The following TMEM232 variants were observed in gnomAD, a reference collection of about 807,000 sequenced individuals.
The protein encoded by TMEM232 is transmembrane protein 232.
Under a neutral mutation model 78.8 loss-of-function variants are expected in TMEM232, and 80 were observed. That is an observed-to-expected ratio of 1.01 (90% confidence interval 0.85 to 1.22). The LOEUF (loss-of-function observed/expected upper bound fraction) is 1.22, where lower values mean the gene tolerates loss of function less well. Ranked by LOEUF, TMEM232 falls within the 50% of genes most tolerant of loss-of-function variation. The probability of loss-of-function intolerance (pLI) is 0.00; values close to 1 mark genes in which losing one functional copy is unlikely to be tolerated. For synonymous variants in TMEM232, 297 were observed against 254.3 expected (o/e 1.17, Z -1.60); for missense variants, 881 against 742.2 (o/e 1.19, Z -2.17).
chr5:110,666,139 G>A (rs1790558896), intron 2 of TMEM232, among the ~76,000 whole-genome samples: 1 of 151,998 alleles, frequency 6.6e-6, no homozygotes, highest in Non-Finnish European at 1.5e-5. Flanking sequence ...GAAAACAATT[G>A]CACTTTGTTA....
At chr5:110,394,824 C>T (rs770250689) in intron 3 of TMEM232, among the ~76,000 whole-genome samples, 1 of 152,008 alleles carries the variant, frequency 6.6e-6, no homozygotes. Flanking sequence ...GTGTCTGTTC[C>T]ACCCTCAATT....
At chr5:110,632,885 A>G (rs1348869077) in intron 5 of TMEM232, among the ~76,000 whole-genome samples, 1 of 152,190 alleles carries the variant, frequency 6.6e-6, no homozygotes, top group Non-Finnish European at 1.5e-5. Context: ...AGATTTAGAC[A>G]TCCAGATCGA....
chr5:110,638,410 A>G, intron 4 of TMEM232, 55 bp from the exon 5 acceptor site: 7 of 1,441,206 alleles, frequency 4.9e-6, no homozygotes, highest in Non-Finnish European at 6.5e-6. Context: ...CTGTTTTTCC[A>G]CATGCTATAA....
At chr5:110,553,246 CT>C (rs1234391130) in intron 11 of TMEM232, among the ~76,000 whole-genome samples, 3 of 151,700 alleles carry the variant, frequency 2.0e-5, no homozygotes, top group Non-Finnish European at 4.4e-5. Flanking sequence ...AATTTGAGAA[CT>C]TTTTTTTCTA....
chr5:110,532,266 C>G (rs1035777950), intron 11 of TMEM232, among the ~76,000 whole-genome samples: 4 of 151,954 alleles, frequency 2.6e-5, no homozygotes, highest in Non-Finnish European at 4.4e-5. Flanking sequence ...TGGCCCAAGG[C>G]TCTCTGACTG....
At chr5:110,471,634 CA>C (rs967513284) in intron 12 of TMEM232, among the ~76,000 whole-genome samples, 1 of 149,454 alleles carries the variant, frequency 6.7e-6, no homozygotes. Context: ...AAAAAGAAGA[CA>C]AAAAAAACCT....
At chr5:110,433,318 A>G (rs1355161534) in intron 12 of TMEM232, among the ~76,000 whole-genome samples, 1 of 151,826 alleles carries the variant, frequency 6.6e-6, no homozygotes, top group East Asian at 1.9e-4. Context: ...AGTCAATACC[A>G]AGAAGAACTC....
At chr5:110,489,715 T>A (rs1764826840) in intron 12 of TMEM232, among the ~76,000 whole-genome samples, 1 of 152,116 alleles carries the variant, frequency 6.6e-6, no homozygotes, top group Admixed American at 6.6e-5. Flanking sequence ...TAAACTATTT[T>A]TGTTTGCAGA....
At chr5:110,651,833 C>A (rs538462729) in intron 2 of TMEM232, among the ~76,000 whole-genome samples, 68 of 152,056 alleles carry the variant, frequency 4.5e-4, no homozygotes, top group African/African-American at 1.5e-3. Context: ...TTACAAAGGG[C>A]CAGAAACTCA....
chr5:110,499,059 T>C (rs1222774451), intron 12 of TMEM232, among the ~76,000 whole-genome samples: 1 of 151,390 alleles, frequency 6.6e-6, no homozygotes, highest in African/African-American at 2.4e-5. Context: ...TAAAATAAAA[T>C]AGAGGTATGA....
Position 110,618,512 on chromosome 5 carries a change from A to AGACC in TMEM232, c.815_818dup (p.Cys274ValfsTer6), listed in dbSNP as rs1440642461. 6.4e-7 allele frequency: 1 copy of AGACC among 1,551,626 alleles called. No individual in the cohort carries two copies. The highest frequency in any genetic ancestry group is 8.7e-7 in the Non-Finnish European group (1 of 1,146,890). On this transcript the variant is annotated frameshift_variant, in exon 8 of 14. Transcript: ENST00000455884. LOFTEE classifies it high-confidence loss of function. ...ACTGAGGACTGTTATTCTGAACACAAGACCAAGCAGCAACACAGTGCCAGA... is the reference window on the plus strand; with the variant it reads ...ACTGAGGACTGTTATTCTGAACACAAGACCGACCAAGCAGCAACACAGTGCCAGA...
chr5:110,525,538 A>G (rs1561626769), intron 12 of TMEM232, among the ~76,000 whole-genome samples: 3 of 152,022 alleles, frequency 2.0e-5, no homozygotes, highest in South Asian at 2.1e-4. Context: ...GAAGAACTCA[A>G]AAGCAATACT....
At chr5:110,443,988 CTCT>C (rs1369345799) in intron 12 of TMEM232, among the ~76,000 whole-genome samples, 1 of 152,134 alleles carries the variant, frequency 6.6e-6, no homozygotes, top group African/African-American at 2.4e-5. Flanking sequence ...ACTTATTGCT[CTCT>C]TCTTCTTAAA....
At chr5:110,549,899 A>G (rs1442771617) in intron 11 of TMEM232, among the ~76,000 whole-genome samples, 1 of 152,152 alleles carries the variant, frequency 6.6e-6, no homozygotes, top group East Asian at 1.9e-4. Flanking sequence ...TACAAAACTT[A>G]TAAGAAGAAA....
intron 12 of TMEM232, among the ~76,000 whole-genome samples, chr5:110,482,345 C>T (rs1763959476): frequency 1.3e-5 from 2 of 152,062 alleles, no homozygotes; most frequent in Admixed American, 1.3e-4. Flanking sequence ...CTTTGGGAGG[C>T]CAAGACAGGC....
chr5:110,615,990 C>G (rs915972035), intron 8 of TMEM232, among the ~76,000 whole-genome samples: 1 of 151,948 alleles, frequency 6.6e-6, no homozygotes, highest in Non-Finnish European at 1.5e-5. Context: ...ATAAAATGTC[C>G]ATACTACCCA....
At chr5:110,557,314 A>G (rs572835243) in intron 11 of TMEM232, among the ~76,000 whole-genome samples, 1 of 151,636 alleles carries the variant, frequency 6.6e-6, no homozygotes, top group African/African-American at 2.4e-5. Flanking sequence ...TAGGATTTCA[A>G]CTTTCTCCTG....
At chr5:110,621,424 C>G (rs960157801) in intron 7 of TMEM232, among the ~76,000 whole-genome samples, 1 of 151,884 alleles carries the variant, frequency 6.6e-6, no homozygotes, top group Non-Finnish European at 1.5e-5. Context: ...ATGAAAAATA[C>G]GTATTTAGAC....
intron 11 of TMEM232, among the ~76,000 whole-genome samples, chr5:110,555,693 A>ATAGGTATTTAGGATGGT (rs1774994183): frequency 6.6e-6 from 1 of 152,132 alleles, no homozygotes; most frequent in Non-Finnish European, 1.5e-5. Context: ...TGTTGGGTAA[A>ATAGGTATTTAGGATGGT]TAGGTATTTA....
Sources: gnomAD v4.1 joint callset for allele counts (sites outside exome capture counted in the v4.1 genomes callset) on GRCh38, gnomAD v4.1.1 for gene constraint, MANE v1.5 for transcripts, NCBI Gene and HGNC (gene_info 2026-07-23, HGNC 2026-07-21) for gene names.